The following PARP12 variants were observed in gnomAD, a reference collection of about 807,000 sequenced individuals.
PARP12 encodes poly(ADP-ribose) polymerase family member 12, also known as protein mono-ADP-ribosyltransferase PARP12.
Under a neutral mutation model 72.4 loss-of-function variants are expected in PARP12, and 59 were observed. The observed-to-expected ratio is 0.81, with a 90% CI of 0.66 to 1.01. PARP12 has a LOEUF of 1.01. Ranked by LOEUF, PARP12 falls within the 50% of genes least tolerant of loss-of-function variation. PARP12 has a pLI of 0.00. For synonymous variants in PARP12, 403 were observed against 371.4 expected (o/e 1.09, Z -0.98); for missense variants, 851 against 914.0 (o/e 0.93, Z 0.89).
intron 5 of PARP12, among the ~76,000 whole-genome samples, chr7:140,042,408 C>T (rs1225539678): frequency 5.9e-5 from 9 of 152,200 alleles, no homozygotes; most frequent in African/African-American, 9.7e-5. Context: ...CACCAGGACA[C>T]GCTCCCTTTC....
Position 140,057,919 on chromosome 7 carries a change from C to G in PARP12, c.442G>C (p.Asp148His). Reference protein sequence around the residue: ...NELCQLLFQNDPWLLPEICQH... With the variant: ...NELCQLLFQNHPWLLPEICQH... ...CTCACTTCTGGCAAAAGCCAGGGGT[C>G]GTTCTGAAACAAGAGTTGGCATAGC... The change falls in exon 2 of 12, where the codon GAC becomes CAC. Residue 148 changes from aspartate (D) to histidine (H), a missense_variant. Coordinates refer to ENST00000263549, the MANE Select transcript of PARP12 (RefSeq NM_022750.4). The G allele has an allele frequency of 6.2e-7, 1 of 1,614,216 alleles. No individual in the cohort carries two copies. Among genetic ancestry groups the G allele is most frequent in the Non-Finnish European group, 8.5e-7 (1 of 1,180,034 alleles).
At chr7:140,033,549 G>C (rs1816029065) in intron 8 of PARP12, 1 of 985,256 alleles carries the variant, frequency 1.0e-6, no homozygotes, top group Admixed American at 6.2e-5. Context: ...GTGGCTGTGT[G>C]GTTTGGAGAA....
At chr7:140,054,849 A>G (rs768081627) in intron 3 of PARP12, 86 bp from the exon 4 acceptor site, 1 of 1,171,100 alleles carries the variant, frequency 8.5e-7, no homozygotes, top group African/African-American at 1.5e-5. Context: ...TTCTCTGCAC[A>G]AAAGTGGGCA....
chr7:140,035,915 AAGGAGGAGGACAAG>A (rs1816142975), intron 7 of PARP12, among the ~76,000 whole-genome samples: 3 of 56,892 alleles, frequency 5.3e-5, no homozygotes, highest in Admixed American at 2.0e-4. Context: ...GGAGGAGGAC[AAGGAGGAGGACAAG>A]GAGGAGGAGG....
At chr7:140,057,440 A>C in intron 2 of PARP12, 1 of 467,556 alleles carries the variant, frequency 2.1e-6, no homozygotes, top group Non-Finnish European at 3.8e-6. Flanking sequence ...AGACAATGCA[A>C]ATCAAATGGC....
chr7:140,056,745 A>G, intron 3 of PARP12, 111 bp downstream of exon 3: 1 of 1,157,604 alleles, frequency 8.6e-7, no homozygotes, highest in Non-Finnish European at 1.2e-6. Flanking sequence ...AAGCAGCACC[A>G]GACTTGCCCA....
intron 11 of PARP12, chr7:140,025,124 C>T (rs1046035089): frequency 9.3e-6 from 5 of 537,522 alleles, no homozygotes; most frequent in African/African-American, 1.9e-5. Context: ...ATAGCAAATT[C>T]CTTTCAAGTT....
At chr7:140,042,905 G>A (rs1297998937) in intron 5 of PARP12, among the ~76,000 whole-genome samples, 1 of 152,112 alleles carries the variant, frequency 6.6e-6, no homozygotes, top group Non-Finnish European at 1.5e-5. Context: ...GGCCTCAAAA[G>A]AATTTCTTGG....
In PARP12 at chr7:140,054,717, C is replaced by G. The variant is rs111485801; in HGVS notation, c.807G>C (p.Gln269His). Residue 269 changes from glutamine (Q) to histidine (H), a missense_variant, in exon 4 of 12, where the codon CAG becomes CAC. Transcript: ENST00000263549. ...SGSVSPNTLS[Q>H]EEGDQICLYH... Reference sequence around the variant, plus strand: ...ACAAACAGATCTGATCACCCTCCTCCTGGCTAAGAGTGTTTGGGGACACAG... The same window carrying G: ...ACAAACAGATCTGATCACCCTCCTCGTGGCTAAGAGTGTTTGGGGACACAG... The G allele has an allele frequency of 3.3e-5, 54 of 1,614,152 alleles. 1 individual carries two copies. The highest frequency in any genetic ancestry group is 3.2e-4 in the African/African-American group (24 of 75,052).
intron 1 of PARP12, among the ~76,000 whole-genome samples, chr7:140,060,473 G>A (rs1050368274): frequency 6.6e-6 from 1 of 152,144 alleles, no homozygotes; most frequent in Non-Finnish European, 1.5e-5. Flanking sequence ...GAAATGGAAG[G>A]TTCAAGAAAC....
At chr7:140,033,062 C>G (rs1165149359) in intron 8 of PARP12, 1 of 458,426 alleles carries the variant, frequency 2.2e-6, no homozygotes, top group East Asian at 1.6e-4. Context: ...AGGTGTCTCT[C>G]CCACCTCAGT....
At chr7:140,024,967 A>G in intron 11 of PARP12, 82 bp from the exon 12 acceptor site, 2 of 1,292,020 alleles carry the variant, frequency 1.5e-6, no homozygotes, top group African/African-American at 2.9e-5. Flanking sequence ...CGTCCTGGTG[A>G]TGTGCAACGC....
chr7:140,039,916 C>T (rs1816387412), intron 6 of PARP12, among the ~76,000 whole-genome samples: 1 of 152,134 alleles, frequency 6.6e-6, no homozygotes, highest in South Asian at 2.1e-4. Context: ...TGCACTGCCA[C>T]AGAGGAAGAG....
At chr7:140,033,828 T>C in intron 8 of PARP12, 1 of 987,622 alleles carries the variant, frequency 1.0e-6, no homozygotes, top group Non-Finnish European at 1.2e-6. Context: ...TGGTATTCCG[T>C]GATATTCAAA....
In PARP12 at chr7:140,057,840, C is replaced by T. The variant is rs1382521190; in HGVS notation, c.462+59G>A. 3 of 1,602,028 alleles carry T rather than the reference C, an allele frequency of 1.9e-6. No individual in the cohort carries two copies. In the African/African-American group the frequency reaches 4.0e-5, roughly 21 times the overall value. On this transcript the variant is annotated intron_variant, in intron 2 of 11. Coordinates refer to ENST00000263549, the MANE Select transcript of PARP12 (RefSeq NM_022750.4). ...CATTCCACTCCCAGTCATTACATTTCCCAAGACACAGGAATGTCCCCAGGG... is the reference window on the plus strand; with the variant it reads ...CATTCCACTCCCAGTCATTACATTTTCCAAGACACAGGAATGTCCCCAGGG...
chr7:140,053,256 G>C (rs1386744940), intron 4 of PARP12, among the ~76,000 whole-genome samples: 1 of 152,136 alleles, frequency 6.6e-6, no homozygotes, highest in Non-Finnish European at 1.5e-5. Flanking sequence ...GAATACTACT[G>C]TGCAATAAAA....
chr7:140,057,600 CCAAATA>C, intron 2 of PARP12: 1 of 425,830 alleles, frequency 2.3e-6, no homozygotes, highest in South Asian at 4.0e-5. Flanking sequence ...TTAGAGAAGG[CCAAATA>C]CCACCCTTTC....
chr7:140,031,524 G>A (rs914149762), intron 8 of PARP12, among the ~76,000 whole-genome samples: 2 of 152,136 alleles, frequency 1.3e-5, no homozygotes, highest in African/African-American at 4.8e-5. Flanking sequence ...ATTCCCAATT[G>A]GCCATGCAGG....
intron 8 of PARP12, 24 bp from the exon 9 acceptor site, chr7:140,028,712 C>G: frequency 6.4e-7 from 1 of 1,565,356 alleles, no homozygotes; most frequent in African/African-American, 1.4e-5. Flanking sequence ...AACAAAAACA[C>G]GTAGACATTT....
Sources: gnomAD v4.1 joint callset for allele counts (sites outside exome capture counted in the v4.1 genomes callset) on GRCh38, gnomAD v4.1.1 for gene constraint, MANE v1.5 for transcripts, NCBI Gene and HGNC (gene_info 2026-07-23, HGNC 2026-07-21) for gene names.